The following LRP1B variants were observed in gnomAD, a reference collection of about 807,000 sequenced individuals.
LRP1B encodes the protein low-density lipoprotein receptor-related protein 1B.
In LRP1B, 217 loss-of-function variants were observed where a neutral mutation model predicts 556.6. The observed-to-expected ratio is 0.39, with a 90% confidence interval of 0.35 to 0.44. The LOEUF (loss-of-function observed/expected upper bound fraction) is 0.44, where lower values mean the gene tolerates loss of function less well. Ranked by LOEUF, LRP1B falls within the 20% of genes least tolerant of loss-of-function variation. The pLI is 1.00. For synonymous variants in LRP1B, 2,047 were observed against 1,865.8 expected, an observed-to-expected ratio of 1.10 and a Z score of -2.50; for missense variants, 5,053 against 5,620.8, an observed-to-expected ratio of 0.90 and a Z score of 3.23.
At chr2:140,382,199 CTA>C (rs1224419391) in intron 67 of LRP1B, among the ~76,000 whole-genome samples, 1 of 152,110 alleles carries the variant, frequency 6.6e-6, no homozygotes, top group African/African-American at 2.4e-5. Flanking sequence ...AACTTATACT[CTA>C]TACAAATAAT....
chr2:142,052,649 G>T (rs1704501997), intron 1 of LRP1B, among the ~76,000 whole-genome samples: 1 of 152,064 alleles, frequency 6.6e-6, no homozygotes, highest in African/African-American at 2.4e-5. Context: ...TCAGGGTGCT[G>T]CTCTGATCCC....
At chr2:141,332,292 T>A (rs1362090867) in intron 3 of LRP1B, among the ~76,000 whole-genome samples, 1 of 152,094 alleles carries the variant, frequency 6.6e-6, no homozygotes, top group Non-Finnish European at 1.5e-5. Context: ...TAGCCTATCA[T>A]GAAACGTATT....
At chr2:140,760,758 C>T (rs1192486718) in intron 35 of LRP1B, among the ~76,000 whole-genome samples, 1 of 152,066 alleles carries the variant, frequency 6.6e-6, no homozygotes, top group Non-Finnish European at 1.5e-5. Flanking sequence ...TGGTTGTGGG[C>T]ACCTGTAGTC....
intron 37 of LRP1B, among the ~76,000 whole-genome samples, chr2:140,715,731 G>A (rs1687187186): frequency 6.6e-6 from 1 of 151,972 alleles, no homozygotes; most frequent in African/African-American, 2.4e-5. Flanking sequence ...TTGAGAATCT[G>A]GAATCATGTT....
chr2:141,131,429 A>ATATATATATATATC (rs55790725), intron 7 of LRP1B, among the ~76,000 whole-genome samples: 1 of 140,692 alleles, frequency 7.1e-6, no homozygotes, highest in African/African-American at 2.6e-5. Context: ...ATATATATAT[A>ATATATATATATATC]TTTGCTCTTA....
intron 3 of LRP1B, among the ~76,000 whole-genome samples, chr2:141,280,002 GCTT>G (rs747303469): frequency 7.2e-5 from 11 of 152,010 alleles, no homozygotes; most frequent in Non-Finnish European, 1.3e-4. Flanking sequence ...GCAGATTTGT[GCTT>G]CTACAGAATT....
chr2:141,103,029 TA>T (rs1329145744), intron 7 of LRP1B, among the ~76,000 whole-genome samples: 1 of 152,130 alleles, frequency 6.6e-6, no homozygotes, highest in African/African-American at 2.4e-5. Flanking sequence ...TTTATCATTT[TA>T]TTTCAGTATT....
At chr2:141,846,922 A>T (rs1003013372) in intron 1 of LRP1B, among the ~76,000 whole-genome samples, 4 of 151,518 alleles carry the variant, frequency 2.6e-5, no homozygotes, top group African/African-American at 9.7e-5. Context: ...GAAGGTTGAG[A>T]ATAAGACAAA....
chr2:141,854,285 C>T (rs778256206), intron 1 of LRP1B, among the ~76,000 whole-genome samples: 1 of 151,898 alleles, frequency 6.6e-6, no homozygotes, highest in Non-Finnish European at 1.5e-5. Flanking sequence ...ATAATTGTGG[C>T]TGATAATTTC....
At chr2:140,671,546 C>A (rs114545170) in intron 41 of LRP1B, among the ~76,000 whole-genome samples, 2,072 of 143,334 alleles carry the variant, frequency 0.014, 41 homozygotes, top group Admixed American at 0.048. Flanking sequence ...CAAAAAACAT[C>A]CGTTTTCTTG....
intron 1 of LRP1B, among the ~76,000 whole-genome samples, chr2:141,833,416 G>C (rs1237092669): frequency 6.6e-6 from 1 of 151,772 alleles, no homozygotes; most frequent in Admixed American, 6.6e-5. Flanking sequence ...ATTAGGACTT[G>C]AATGTACTTG....
intron 1 of LRP1B, among the ~76,000 whole-genome samples, chr2:142,079,699 G>T (rs189436204): frequency 1.3e-5 from 2 of 151,872 alleles, no homozygotes; most frequent in African/African-American, 4.8e-5. Flanking sequence ...TAGAAGAGAC[G>T]TGGTTTCACC....
intron 1 of LRP1B, among the ~76,000 whole-genome samples, chr2:141,983,492 T>TGA (rs1360117779): frequency 6.6e-6 from 1 of 152,152 alleles, no homozygotes; most frequent in Non-Finnish European, 1.5e-5. Context: ...TGAGAAAGGA[T>TGA]GAACCTATCA....
intron 2 of LRP1B, among the ~76,000 whole-genome samples, chr2:141,661,024 G>C (rs891309761): frequency 1.3e-5 from 2 of 152,146 alleles, no homozygotes; most frequent in South Asian, 2.1e-4. Context: ...GTGCAGGAGG[G>C]AACCAGGAAA....
rs765647303 is a variant in LRP1B, at chr2:140,457,497, A to G, written c.9780T>C (p.Asp3260=). Residue 3260 remains aspartate (D), a synonymous_variant, in exon 61 of 91, where the codon GAT becomes GAC. Transcript: ENST00000389484. The stretch of plus-strand genomic sequence containing the variant: ...GTCTATAAGAATGATACACCTGGAT[A>G]TCTGTGATGGCATGCCATGAGTAAA... ...SLIYSWHAIT[D]IQVYHSYRQP... 1.9e-6 allele frequency: 3 copies of G among 1,613,588 alleles called. No homozygotes were observed. Among genetic ancestry groups the G allele is most frequent in the African/African-American group, 1.3e-5 (1 of 74,908 alleles).
intron 66 of LRP1B, among the ~76,000 whole-genome samples, chr2:140,435,643 C>A (rs1330806966): frequency 2.0e-5 from 3 of 147,446 alleles, no homozygotes; most frequent in African/African-American, 7.5e-5. Flanking sequence ...ATTTAAATCT[C>A]ACAGTTTCCT....
chr2:141,057,599 A>G (rs143507303), intron 9 of LRP1B, among the ~76,000 whole-genome samples: 4,437 of 151,818 alleles, frequency 0.029, 180 homozygotes, highest in East Asian at 0.14. Context: ...ATGAGATCTG[A>G]TGGTTTTAAA....
At chr2:140,502,697 A>T (rs958700525) in intron 54 of LRP1B, among the ~76,000 whole-genome samples, 4 of 152,034 alleles carry the variant, frequency 2.6e-5, no homozygotes, top group African/African-American at 9.7e-5. Context: ...ATATGAAGAT[A>T]TAATGAATTT....
intron 27 of LRP1B, among the ~76,000 whole-genome samples, chr2:140,858,501 G>GGGGAGAGA (rs1692686638): frequency 1.4e-5 from 2 of 139,934 alleles, no homozygotes; most frequent in Non-Finnish European, 1.5e-5. Flanking sequence ...TTATATATAT[G>GGGGAGAGA]GAGAGAGAGA....
Sources: gnomAD v4.1 joint callset for allele counts (sites outside exome capture counted in the v4.1 genomes callset) on GRCh38, gnomAD v4.1.1 for gene constraint, MANE v1.5 for transcripts, NCBI Gene and HGNC (gene_info 2026-07-23, HGNC 2026-07-21) for gene names.